The following GRM5 variants were observed in gnomAD, a reference collection of about 807,000 sequenced individuals.
The protein encoded by GRM5 is metabotropic glutamate receptor 5.
A neutral mutation model predicts 83.1 loss-of-function variants in GRM5; 19 were observed. The observed-to-expected ratio is 0.23, with a 90% CI of 0.16 to 0.34. GRM5 has a LOEUF of 0.34. GRM5 is among the 10% of genes least tolerant of loss of function. The pLI is 1.00. For synonymous variants in GRM5, 675 were observed against 633.6 expected (o/e 1.07, Z -0.98); for missense variants, 1,160 against 1,588.3 (o/e 0.73, Z 4.58).
chr11:88,613,310 C>T (rs1338949106), intron 4 of GRM5, among the ~76,000 whole-genome samples: 2 of 152,146 alleles, frequency 1.3e-5, no homozygotes. Context: ...TGAAGTTCCC[C>T]AAGATTATTG....
intron 1 of GRM5, among the ~76,000 whole-genome samples, chr11:89,054,599 G>A (rs1941832674): frequency 6.6e-6 from 1 of 152,136 alleles, no homozygotes; most frequent in Non-Finnish European, 1.5e-5. Context: ...GAAGTGGAAA[G>A]AGAAAAGAAT....
intron 2 of GRM5, among the ~76,000 whole-genome samples, chr11:88,901,905 A>G (rs1945319900): frequency 6.6e-6 from 1 of 152,196 alleles, no homozygotes; most frequent in South Asian, 2.1e-4. Flanking sequence ...TCTCTTAGGC[A>G]AACAGCCAAA....
chr11:88,951,153 G>A (rs1057476530), intron 2 of GRM5, among the ~76,000 whole-genome samples: 1 of 152,122 alleles, frequency 6.6e-6, no homozygotes, highest in Non-Finnish European at 1.5e-5. Flanking sequence ...AGAGGTCTAT[G>A]TATTTCATTT....
chr11:88,987,717 G>A (rs1286622656), intron 2 of GRM5, among the ~76,000 whole-genome samples: 1 of 152,012 alleles, frequency 6.6e-6, no homozygotes, highest in Non-Finnish European at 1.5e-5. Flanking sequence ...CCCCCGAGCA[G>A]CCTAACTGGG....
At chr11:88,526,090 T>C (rs1941868682) in intron 8 of GRM5, among the ~76,000 whole-genome samples, 1 of 152,234 alleles carries the variant, frequency 6.6e-6, no homozygotes, top group Non-Finnish European at 1.5e-5. Context: ...AGAGAAGACA[T>C]GTTCTTTGGA....
intron 2 of GRM5, among the ~76,000 whole-genome samples, chr11:89,014,297 G>A (rs953475762): frequency 6.6e-6 from 1 of 152,092 alleles, no homozygotes; most frequent in Admixed American, 6.6e-5. Flanking sequence ...GATCTACCAA[G>A]ACCATTAGTA....
At chr11:88,898,254 C>T (rs894793200) in intron 2 of GRM5, among the ~76,000 whole-genome samples, 1 of 151,774 alleles carries the variant, frequency 6.6e-6, no homozygotes, top group Admixed American at 6.6e-5. Flanking sequence ...AGGGCCCACA[C>T]TAGTAATGTT....
chr11:88,963,755 T>C (rs1318244605), intron 2 of GRM5, among the ~76,000 whole-genome samples: 1 of 152,200 alleles, frequency 6.6e-6, no homozygotes, highest in African/African-American at 2.4e-5. Flanking sequence ...ACGAAACGAA[T>C]ATAAAATACG....
intron 3 of GRM5, among the ~76,000 whole-genome samples, chr11:88,788,831 T>A (rs2135472159): frequency 6.6e-6 from 1 of 152,224 alleles, no homozygotes; most frequent in East Asian, 1.9e-4. Context: ...GTGGAAGATG[T>A]GAGTAGTTAG....
chr11:88,792,222 T>A (rs998543967), intron 3 of GRM5, among the ~76,000 whole-genome samples: 3 of 152,104 alleles, frequency 2.0e-5, no homozygotes, highest in Middle Eastern at 6.3e-3. Flanking sequence ...CCTGAAAATA[T>A]CTCATAGATA....
At chr11:88,586,711 T>C (rs1476530362) in intron 7 of GRM5, among the ~76,000 whole-genome samples, 1 of 152,186 alleles carries the variant, frequency 6.6e-6, no homozygotes, top group Non-Finnish European at 1.5e-5. Flanking sequence ...ATAGGCTCTT[T>C]GGAAAAGTGC....
At chr11:88,552,457 AC>A (rs1942530320) in intron 8 of GRM5, among the ~76,000 whole-genome samples, 1 of 152,158 alleles carries the variant, frequency 6.6e-6, no homozygotes, top group Admixed American at 6.6e-5. Flanking sequence ...CTCTACTCTT[AC>A]CACTGCTTCT....
At chr11:88,716,451 A>G (rs1301015460) in intron 3 of GRM5, among the ~76,000 whole-genome samples, 1 of 151,864 alleles carries the variant, frequency 6.6e-6, no homozygotes, top group Admixed American at 6.6e-5. Context: ...AATTGGCCCC[A>G]ATGAGGAATA....
intron 3 of GRM5, among the ~76,000 whole-genome samples, chr11:88,776,345 GA>G (rs1184271771): frequency 2.6e-5 from 4 of 152,114 alleles, no homozygotes; most frequent in African/African-American, 9.7e-5. Context: ...TTGCATGTGA[GA>G]TGGGTCTCCT....
chr11:88,727,911 A>C (rs1030877742), intron 3 of GRM5, among the ~76,000 whole-genome samples: 1 of 152,200 alleles, frequency 6.6e-6, no homozygotes, highest in Non-Finnish European at 1.5e-5. Context: ...CTAAATGCCC[A>C]CAGGGGAAAG....
At chr11:88,586,018 A>C (rs1331284518) in intron 7 of GRM5, among the ~76,000 whole-genome samples, 1 of 152,072 alleles carries the variant, frequency 6.6e-6, no homozygotes, top group Non-Finnish European at 1.5e-5. Context: ...ACTGCTATTG[A>C]GAATATGGCT....
intron 4 of GRM5, among the ~76,000 whole-genome samples, chr11:88,615,922 T>A (rs1414670249): frequency 6.6e-6 from 1 of 152,138 alleles, no homozygotes; most frequent in East Asian, 1.9e-4. Flanking sequence ...CATCGCACTT[T>A]GTGTAGAGAA....
intron 4 of GRM5, among the ~76,000 whole-genome samples, chr11:88,651,515 G>A (rs1939630721): frequency 6.6e-6 from 1 of 151,986 alleles, no homozygotes; most frequent in African/African-American, 2.4e-5. Context: ...AGAGAGAAAA[G>A]AAATCTGTTG....
Position 88,505,636 on chromosome 11 carries a change from C to G in GRM5, c.*2956G>C, listed in dbSNP as rs186550305. On this transcript the variant is annotated 3_prime_UTR_variant, in exon 10 of 10. Transcript: ENST00000305447. ...AGATATGTTCTTCTTAGGCTGCCCC[C>G]ACTCCTTTCCCAAAATGGAAGGATG... 1.0e-3 allele frequency: 153 copies of G among 152,314 alleles called. 1 individual carries two copies. Among genetic ancestry groups the G allele is most frequent in the African/African-American group, 3.3e-3 (138 of 41,576 alleles). 9.4% of individuals were successfully genotyped at this position (152,314 alleles called of 1,614,324 possible).
Sources: allele counts gnomAD v4.1 joint callset (sites outside exome capture counted in the v4.1 genomes callset), GRCh38; gene constraint gnomAD v4.1.1; transcripts MANE v1.5; gene names NCBI Gene and HGNC (gene_info 2026-07-23, HGNC 2026-07-21).